Variants in PARD3B observed in about 807,000 individuals in gnomAD.
PARD3B encodes the protein par-3 family cell polarity regulator beta, also known as partitioning defective 3 homolog B.
In PARD3B, 103 loss-of-function variants were observed where a neutral mutation model predicts 130.2. The observed-to-expected ratio is 0.79, with a 90% CI of 0.67 to 0.93. The LOEUF (loss-of-function observed/expected upper bound fraction) is 0.93, where lower values mean the gene tolerates loss of function less well. Ranked by LOEUF, PARD3B falls within the 40% of genes least tolerant of loss-of-function variation. PARD3B has a pLI of 0.00. For missense variants in PARD3B, 1,609 were observed against 1,499.2 expected (o/e 1.07, Z -1.21); for synonymous variants, 583 against 553.2 (o/e 1.05, Z -0.76).
At chr2:204,920,211 T>C (rs1415440333) in intron 2 of PARD3B, among the ~76,000 whole-genome samples, 2 of 152,210 alleles carry the variant, frequency 1.3e-5, no homozygotes, top group Admixed American at 6.5e-5. Context: ...AGGGTATGTT[T>C]GCTCTTTTGG....
At chr2:204,784,798 C>G (rs1339757219) in intron 2 of PARD3B, among the ~76,000 whole-genome samples, 6 of 152,130 alleles carry the variant, frequency 3.9e-5, no homozygotes, top group African/African-American at 1.4e-4. Flanking sequence ...ACCCACCTTT[C>G]CTTGACAAAG....
intron 4 of PARD3B, among the ~76,000 whole-genome samples, chr2:205,072,333 T>A (rs565546077): frequency 3.0e-3 from 457 of 151,986 alleles, no homozygotes; most frequent in African/African-American, 8.7e-3. Flanking sequence ...CACTGCAACT[T>A]CTGCCCCCCT....
At chr2:205,476,373 A>C (rs1331787330) in intron 20 of PARD3B, among the ~76,000 whole-genome samples, 1 of 152,110 alleles carries the variant, frequency 6.6e-6, no homozygotes, top group Non-Finnish European at 1.5e-5. Context: ...TAAAAGAATC[A>C]CCGGTGAAAA....
At position 204,602,808 on chromosome 2, in the gene PARD3B, C is replaced by T. The variant is rs183017426; in HGVS notation, c.120+56689C>T. 5.5e-3 allele frequency among the ~76,000 whole-genome samples: 832 copies of T among 152,096 alleles called. 7 individuals are homozygous for T. The highest frequency in any genetic ancestry group is 6.9e-3 in the Non-Finnish European group (466 of 67,950). ...AGTTGTTGATACTCTAAGTGTCTCC[C>T]GACCACTCATTTGGTCGTTTGGATT... On this transcript the variant is annotated intron_variant, in intron 1 of 22. Coordinates refer to ENST00000406610, the MANE Select transcript of PARD3B (RefSeq NM_001302769.2).
chr2:205,452,982 G>T (rs1397417046), intron 20 of PARD3B, among the ~76,000 whole-genome samples: 1 of 152,162 alleles, frequency 6.6e-6, no homozygotes, highest in Non-Finnish European at 1.5e-5. Flanking sequence ...TCAAACAAAT[G>T]ACCTGATCCT....
chr2:204,832,472 T>C (rs1259927908), intron 2 of PARD3B, among the ~76,000 whole-genome samples: 1 of 152,222 alleles, frequency 6.6e-6, no homozygotes, highest in Non-Finnish European at 1.5e-5. Context: ...CATGTTCATG[T>C]TTAAGCCACT....
At chr2:204,778,514 A>C in intron 2 of PARD3B, among the ~76,000 whole-genome samples, 1 of 152,104 alleles carries the variant, frequency 6.6e-6, no homozygotes, top group East Asian at 1.9e-4. Context: ...GAGTGTGTAG[A>C]TTTTGCCAGG....
chr2:204,707,243 T>C (rs1391437406), intron 2 of PARD3B, among the ~76,000 whole-genome samples: 1 of 152,194 alleles, frequency 6.6e-6, no homozygotes, highest in Non-Finnish European at 1.5e-5. Flanking sequence ...CGAGTGGGAC[T>C]GCAAATTTAT....
In PARD3B at chr2:205,389,998, A is replaced by G. The variant is rs1016144417; in HGVS notation, c.2631-11015A>G. Among the ~76,000 whole-genome samples, 8 of 152,334 alleles carry G rather than the reference A, an allele frequency of 5.3e-5. No individual in the cohort carries two copies. The South Asian group carries it at 1.7e-3, about 32-fold the overall frequency. ...TTATGGAAAACAAAACAAACTTTTT[A>G]AAAATCAAAGTTGAGAGCTTTCACC... On this transcript the variant is annotated intron_variant, in intron 18 of 22. Coordinates refer to ENST00000406610, the MANE Select transcript of PARD3B (RefSeq NM_001302769.2).
At chr2:205,577,916 T>C (rs1185581468) in intron 22 of PARD3B, among the ~76,000 whole-genome samples, 2 of 152,232 alleles carry the variant, frequency 1.3e-5, no homozygotes, top group East Asian at 3.8e-4. Flanking sequence ...AACTCTTCTA[T>C]AACATTTATT....
intron 22 of PARD3B, among the ~76,000 whole-genome samples, chr2:205,566,836 C>T (rs2053356647): frequency 6.6e-6 from 1 of 152,186 alleles, no homozygotes; most frequent in Non-Finnish European, 1.5e-5. Context: ...CCTGGGCATC[C>T]TTCTGTGGCT....
chr2:204,913,178 C>T (rs2047310243), intron 2 of PARD3B, among the ~76,000 whole-genome samples: 1 of 152,174 alleles, frequency 6.6e-6, no homozygotes, highest in Non-Finnish European at 1.5e-5. Context: ...AGTTTATAGA[C>T]TGGTTCCCAC....
intron 6 of PARD3B, among the ~76,000 whole-genome samples, chr2:205,118,022 G>A (rs935028592): frequency 3.3e-5 from 5 of 151,914 alleles, no homozygotes; most frequent in African/African-American, 1.2e-4. Flanking sequence ...CTAAGCTACA[G>A]CCACAAAAAT....
chr2:205,238,882 G>A (rs1361300862), intron 15 of PARD3B, among the ~76,000 whole-genome samples: 86 of 72,300 alleles, frequency 1.2e-3, no homozygotes, highest in Non-Finnish European at 1.7e-3. Flanking sequence ...ATATATGTAT[G>A]TGTGTATATA....
intron 2 of PARD3B, among the ~76,000 whole-genome samples, chr2:204,898,861 T>A (rs977284031): frequency 5.3e-5 from 8 of 152,200 alleles, no homozygotes; most frequent in Admixed American, 2.0e-4. Context: ...GACCTCTTTA[T>A]CATTATATAA....
chr2:204,946,326 T>G (rs1275674902), intron 2 of PARD3B, among the ~76,000 whole-genome samples: 1 of 152,252 alleles, frequency 6.6e-6, no homozygotes, highest in East Asian at 1.9e-4. Flanking sequence ...AAACACATTT[T>G]AATCCTTCCT....
At chr2:204,901,764 G>T (rs1014792914) in intron 2 of PARD3B, among the ~76,000 whole-genome samples, 1 of 151,852 alleles carries the variant, frequency 6.6e-6, no homozygotes, top group African/African-American at 2.4e-5. Flanking sequence ...AACGGCCTGG[G>T]TACTGCTGCT....
chr2:205,305,110 A>C (rs541342581), intron 18 of PARD3B, among the ~76,000 whole-genome samples: 36 of 152,316 alleles, frequency 2.4e-4, no homozygotes, highest in African/African-American at 8.7e-4. Flanking sequence ...AAAAAGACTG[A>C]AGAAAGCAGA....
Position 205,047,630 on chromosome 2 carries a change from T to G in PARD3B, c.444T>G (p.Pro148=). ...GCAGTGACCCAGTGCCAGGCCCACC[T>G]GCTGATACCCAGCCAAGCGCTTCAC... ...RRSSDPVPGP[P]ADTQPSASHP... is the part of the protein sequence containing the mutation. Residue 148 remains proline (P), a synonymous_variant, in exon 4 of 23, where the codon CCT becomes CCG. Transcript: ENST00000406610. 6.4e-7 allele frequency: 1 copy of G among 1,550,952 alleles called. No homozygotes were observed. The highest frequency in any genetic ancestry group is 8.7e-7 in the Non-Finnish European group (1 of 1,146,964).
Sources: allele counts gnomAD v4.1 joint callset (sites outside exome capture counted in the v4.1 genomes callset), GRCh38; gene constraint gnomAD v4.1.1; transcripts MANE v1.5; gene names NCBI Gene and HGNC (gene_info 2026-07-23, HGNC 2026-07-21).